The following CCDC93 variants were observed in gnomAD, a reference collection of about 807,000 sequenced individuals.
The protein encoded by CCDC93 is coiled-coil domain-containing protein 93.
CCDC93 carries 61 observed loss-of-function variants against 108.2 expected under a neutral mutation model. That is an observed-to-expected ratio of 0.56 (90% CI 0.46 to 0.70). The LOEUF (loss-of-function observed/expected upper bound fraction) is 0.70. Ranked by LOEUF, CCDC93 falls within the 30% of genes least tolerant of loss-of-function variation. The pLI is 0.00. For missense variants in CCDC93, 685 were observed against 764.2 expected (o/e 0.90, Z 1.22); for synonymous variants, 276 against 260.4 (o/e 1.06, Z -0.58).
At chr2:117,987,295 C>T (rs1680349902) in intron 6 of CCDC93, among the ~76,000 whole-genome samples, 1 of 152,148 alleles carries the variant, frequency 6.6e-6, no homozygotes, top group African/African-American at 2.4e-5. Context: ...TCCAAGATCC[C>T]TGGGACACTA....
chr2:117,964,193 G>A (rs1398385645), intron 11 of CCDC93, among the ~76,000 whole-genome samples: 1 of 152,088 alleles, frequency 6.6e-6, no homozygotes, highest in Non-Finnish European at 1.5e-5. Flanking sequence ...AGATCTTATT[G>A]TGTGGGGGCA....
chr2:117,995,616 C>T (rs192465489), intron 5 of CCDC93, 114 bp from the exon 6 acceptor site: 49 of 817,352 alleles, frequency 6.0e-5, no homozygotes, highest in African/African-American at 1.4e-4. Flanking sequence ...CTTTGCCTGA[C>T]GAAGTCTCAA....
rs1485686657 is a variant in CCDC93 at position 117,949,358 on chromosome 2, G to A, written c.1106C>T (p.Ala369Val). The A allele has an allele frequency of 6.2e-7, 1 of 1,613,646 alleles. No individual in the cohort carries two copies. Among genetic ancestry groups the A allele is most frequent in the Non-Finnish European group, 8.5e-7 (1 of 1,179,542 alleles). ...TTTGGATTCTATCTTCTCGAGGGCT[G>A]CTTGCTCTTTGTCCAGTTTCTCACT... ...TYSEKLDKEQ[A>V]ALEKIESKAD... Residue 369 changes from alanine to valine, a missense_variant, in exon 14 of 24, where the codon GCA (alanine) becomes GTA (valine). Ala to Val is a moderately conservative substitution (Grantham distance 64). Coordinates refer to ENST00000376300, the MANE Select transcript of CCDC93 (RefSeq NM_019044.5).
Position 118,000,935 on chromosome 2 carries a change from GT to G in CCDC93, c.252-4del. The G allele has an allele frequency of 3.8e-6, 6 of 1,595,074 alleles. No homozygotes were observed. Among genetic ancestry groups the G allele is most frequent in the East Asian group, 2.2e-5 (1 of 44,774 alleles). Reference sequence around the variant, plus strand: ...AGACAATTTTTTCTGACAGAGCTCTGTTCAGAAAAAGTAACAAGCAAAGAGT... The same window carrying G: ...AGACAATTTTTTCTGACAGAGCTCTGTCAGAAAAAGTAACAAGCAAAGAGT... On this transcript the variant is annotated splice_polypyrimidine_tract_variant and splice_region_variant and intron_variant, in intron 3 of 23. Coordinates refer to ENST00000376300, the MANE Select transcript of CCDC93 (RefSeq NM_019044.5).
chr2:117,978,100 G>A (rs573988850), intron 7 of CCDC93, 70 bp from the exon 8 acceptor site: 9 of 1,407,430 alleles, frequency 6.4e-6, no homozygotes, highest in Non-Finnish European at 9.0e-6. Flanking sequence ...AATGCATTTT[G>A]GTTGACTTTT....
At position 118,014,070 on chromosome 2, in the gene CCDC93, T is replaced by C. The variant is rs544210505; in HGVS notation, c.-75A>G. 1.0e-4 allele frequency: 160 copies of C among 1,557,462 alleles called. No homozygotes were observed. In the East Asian group the frequency reaches 3.6e-3, roughly 35 times the overall value. On this transcript the variant is annotated 5_prime_UTR_variant, in exon 1 of 24. Coordinates refer to ENST00000376300, the MANE Select transcript of CCDC93 (RefSeq NM_019044.5). ...GAGGAAGCTGTCCCTGCCGCGGAGC[T>C]GCTACCGGGGTGGAGTACAAAGCGG...
rs749046072 is a variant in CCDC93, at chr2:117,917,238, C to G, written c.*3105G>C. 1.3e-5 allele frequency: 2 copies of G among 152,672 alleles called. No homozygotes were observed. Among genetic ancestry groups the G allele is most frequent in the African/African-American group, 4.8e-5 (2 of 41,452 alleles). 9.5% of individuals were successfully genotyped at this position (152,672 alleles called of 1,614,324 possible). The stretch of plus-strand genomic sequence containing the variant: ...GGGCTCACTGTCCGGAGTGCCCTTT[C>G]AGGCAGGTCTGCTTCGGTCACTAGA... On this transcript the variant is annotated 3_prime_UTR_variant, in exon 24 of 24. Coordinates refer to ENST00000376300, the MANE Select transcript of CCDC93 (RefSeq NM_019044.5).
intron 23 of CCDC93, among the ~76,000 whole-genome samples, 200 bp from the exon 24 acceptor site, chr2:117,920,596 C>T (rs1677828680): frequency 6.6e-6 from 1 of 152,188 alleles, no homozygotes; most frequent in South Asian, 2.1e-4. Context: ...TAATGATGCT[C>T]CATTTCTGGG....
chr2:117,943,395 G>A (rs1678767777), intron 18 of CCDC93, among the ~76,000 whole-genome samples: 1 of 152,204 alleles, frequency 6.6e-6, no homozygotes, highest in Admixed American at 6.5e-5. Context: ...TTAGTAGTCT[G>A]TAACAAGGAC....
chr2:118,000,496 G>A (rs1326187977), intron 4 of CCDC93, among the ~76,000 whole-genome samples: 1 of 152,124 alleles, frequency 6.6e-6, no homozygotes, highest in Admixed American at 6.6e-5. Flanking sequence ...ACAAAGAAAA[G>A]CAAGGAATGA....
Position 117,976,203 on chromosome 2 carries a change from T to C in CCDC93, c.658-923A>G, listed in dbSNP as rs1679939068. Among the ~76,000 whole-genome samples, 5 of 152,332 alleles carry C rather than the reference T, an allele frequency of 3.3e-5. No homozygotes were observed. The South Asian group carries it at 1.0e-3, about 32-fold the overall frequency. ...CATCTACAGGGGATGAGACTGCTAA[T>C]TCAAATGTGCCGTCTGACATAAAAA... On this transcript the variant is annotated intron_variant, in intron 8 of 23. Transcript: ENST00000376300.
intron 3 of CCDC93, among the ~76,000 whole-genome samples, chr2:118,001,573 A>G (rs529600124): frequency 3.3e-5 from 5 of 152,212 alleles, no homozygotes; most frequent in Non-Finnish European, 5.9e-5. Flanking sequence ...TCTGCTTCTT[A>G]TAAGGGACAC....
intron 13 of CCDC93, chr2:117,951,632 A>G (rs573761054): frequency 4.0e-6 from 4 of 1,000,242 alleles, no homozygotes; most frequent in African/African-American, 1.7e-5. Flanking sequence ...GTCCTTCCAT[A>G]GTACGGCTAT....
At chr2:118,003,606 G>A (rs1029591326) in intron 3 of CCDC93, among the ~76,000 whole-genome samples, 1 of 152,138 alleles carries the variant, frequency 6.6e-6, no homozygotes, top group Admixed American at 6.5e-5. Flanking sequence ...AAGAGGCTGG[G>A]ACCCACACCA....
intron 19 of CCDC93, 97 bp downstream of exon 19, chr2:117,941,092 C>A: frequency 1.2e-6 from 1 of 840,218 alleles, no homozygotes. Flanking sequence ...CCTTTGTGGA[C>A]TGTGCTCTGG....
intron 18 of CCDC93, among the ~76,000 whole-genome samples, chr2:117,943,662 T>C (rs1410301366): frequency 6.6e-6 from 1 of 152,240 alleles, no homozygotes; most frequent in Non-Finnish European, 1.5e-5. Context: ...ATGAATTAAA[T>C]TTTAGAGCTA....
At chr2:117,936,377 T>G in intron 21 of CCDC93, 1 of 224,790 alleles carries the variant, frequency 4.4e-6, no homozygotes, top group Non-Finnish European at 8.6e-6. Flanking sequence ...ATTATGTAAA[T>G]TTTAAAGCAT....
chr2:117,921,644 C>G (rs549881010), intron 23 of CCDC93: 4 of 152,236 alleles, frequency 2.6e-5, no homozygotes, highest in Non-Finnish European at 5.9e-5. Context: ...AAAACCCCCA[C>G]GGTCAATTTT....
At chr2:117,953,666 T>G (rs1331496481) in intron 12 of CCDC93, among the ~76,000 whole-genome samples, 3 of 147,158 alleles carry the variant, frequency 2.0e-5, no homozygotes, top group Middle Eastern at 3.6e-3. Flanking sequence ...GCCTTGTGAA[T>G]GAGATGAGTG....
Sources: gnomAD v4.1 joint callset for allele counts (sites outside exome capture counted in the v4.1 genomes callset) on GRCh38, gnomAD v4.1.1 for gene constraint, MANE v1.5 for transcripts, NCBI Gene and HGNC (gene_info 2026-07-23, HGNC 2026-07-21) for gene names.